The following IKBKB-DT variants were observed in gnomAD, a reference collection of about 807,000 sequenced individuals.
The protein encoded by IKBKB-DT is IKBKB antisense RNA.
chr8:42,264,851 GC>G (rs1451616946), intron 2 of IKBKB-DT, among the ~76,000 whole-genome samples: 3 of 149,236 alleles, frequency 2.0e-5, no homozygotes, highest in African/African-American at 7.4e-5. Context: ...GAGCCACCAT[GC>G]CGGGCCTTAA....
At chr8:42,253,113 C>G (rs550463738) in intron 3 of IKBKB-DT, among the ~76,000 whole-genome samples, 100 of 152,280 alleles carry the variant, frequency 6.6e-4, no homozygotes, top group Non-Finnish European at 1.3e-3. Flanking sequence ...AATTTATCAT[C>G]TATTGTCTCT....
intron 2 of IKBKB-DT, among the ~76,000 whole-genome samples, chr8:42,264,212 A>C (rs1347422923): frequency 6.6e-6 from 1 of 151,522 alleles, no homozygotes; most frequent in East Asian, 1.9e-4. Context: ...ATTTTTAAAA[A>C]TTAATTAGAG....
chr8:42,238,720 A>G (rs2129901641), intron 3 of IKBKB-DT, among the ~76,000 whole-genome samples: 1 of 152,268 alleles, frequency 6.6e-6, no homozygotes, highest in South Asian at 2.1e-4. Flanking sequence ...TCTGGGACCA[A>G]CTGACTCCAC....
At chr8:42,270,100 C>T (rs961989066) in intron 1 of IKBKB-DT, among the ~76,000 whole-genome samples, 2 of 152,190 alleles carry the variant, frequency 1.3e-5, no homozygotes, top group Non-Finnish European at 2.9e-5. Context: ...TTCTGAACTT[C>T]TTAACATGCT....
At position 42,256,740 on chromosome 8, in the gene IKBKB-DT, G is replaced by T. The variant is rs558045390; in HGVS notation, n.1529+6589C>A. ...AACGGTATGATCTTAAAGTCATCAGGAACGTGTACTTGTCCGTTTTCTCCA... is the reference window on the plus strand; with the variant it reads ...AACGGTATGATCTTAAAGTCATCAGTAACGTGTACTTGTCCGTTTTCTCCA... On this transcript the variant is annotated intron_variant and non_coding_transcript_variant, in intron 3 of 3. Coordinates refer to ENST00000518213, the Ensembl canonical transcript of IKBKB-DT. Among the ~76,000 whole-genome samples, 8 of 152,148 alleles carry T rather than the reference G, an allele frequency of 5.3e-5. No individual in the cohort carries two copies. In the East Asian group the frequency reaches 1.4e-3, roughly 26 times the overall value.
At chr8:42,268,725 C>G (rs1231643809) in intron 1 of IKBKB-DT, among the ~76,000 whole-genome samples, 1 of 151,594 alleles carries the variant, frequency 6.6e-6, no homozygotes. Context: ...TGCCACCACG[C>G]CCAGCTAATT....
intron 3 of IKBKB-DT, among the ~76,000 whole-genome samples, chr8:42,237,274 A>T (rs777731947): frequency 6.6e-6 from 1 of 151,696 alleles, no homozygotes; most frequent in Non-Finnish European, 1.5e-5. Flanking sequence ...TTTAGTAGAG[A>T]CTGGGTTTCA....
chr8:42,264,549 A>ATAT (rs1807344503), intron 2 of IKBKB-DT, among the ~76,000 whole-genome samples: 1 of 152,180 alleles, frequency 6.6e-6, no homozygotes, highest in South Asian at 2.1e-4. Context: ...GTAGCTTTTA[A>ATAT]AATATTATTT....
At chr8:42,262,741 T>A (rs1361280638) in intron 3 of IKBKB-DT, among the ~76,000 whole-genome samples, 1 of 150,118 alleles carries the variant, frequency 6.7e-6, no homozygotes, top group East Asian at 2.0e-4. Flanking sequence ...GCCTGGCCTA[T>A]TTTTTTATTT....
At chr8:42,262,784 G>A (rs1236905615) in intron 3 of IKBKB-DT, among the ~76,000 whole-genome samples, 1 of 150,696 alleles carries the variant, frequency 6.6e-6, no homozygotes, top group Non-Finnish European at 1.5e-5. Flanking sequence ...CATTGCCCAG[G>A]CTGGAGTGCA....
chr8:42,266,664 G>A (rs1358702760), intron 1 of IKBKB-DT, among the ~76,000 whole-genome samples: 1 of 152,134 alleles, frequency 6.6e-6, no homozygotes, highest in Non-Finnish European at 1.5e-5. Context: ...CGAGACAGGA[G>A]GTCTGCACAA....
intron 3 of IKBKB-DT, among the ~76,000 whole-genome samples, chr8:42,249,829 C>T (rs1477678431): frequency 6.6e-6 from 1 of 152,006 alleles, no homozygotes; most frequent in Non-Finnish European, 1.5e-5. Flanking sequence ...GTCATCCTGG[C>T]ACTTTGGGAG....
At chr8:42,235,867 C>T (rs1806913256) in intron 3 of IKBKB-DT, among the ~76,000 whole-genome samples, 1 of 152,044 alleles carries the variant, frequency 6.6e-6, no homozygotes, top group Non-Finnish European at 1.5e-5. Flanking sequence ...GGTTAGACCC[C>T]ATCTCCACTA....
chr8:42,239,095 C>T (rs1474992938), intron 3 of IKBKB-DT, among the ~76,000 whole-genome samples: 3 of 152,144 alleles, frequency 2.0e-5, no homozygotes. Flanking sequence ...GCTCCTCCTC[C>T]CCTGTCAGAG....
chr8:42,269,403 A>C (rs1457392704), intron 1 of IKBKB-DT, among the ~76,000 whole-genome samples: 1 of 121,178 alleles, frequency 8.3e-6, no homozygotes, highest in Non-Finnish European at 1.7e-5. Context: ...AAGAAAAAAA[A>C]GAAAGCTAGC....
chr8:42,268,767 A>G (rs1284239901), intron 1 of IKBKB-DT, among the ~76,000 whole-genome samples: 1 of 151,362 alleles, frequency 6.6e-6, no homozygotes. Flanking sequence ...TGGTTTCACC[A>G]TGTTGGCCAG....
intron 3 of IKBKB-DT, among the ~76,000 whole-genome samples, chr8:42,245,235 C>T (rs1464524237): frequency 6.6e-6 from 1 of 152,100 alleles, no homozygotes; most frequent in African/African-American, 2.4e-5. Context: ...AACCTGGCGA[C>T]AGAGCAAGAC....
chr8:42,265,868 G>C (rs1204611990), exon 2 of IKBKB-DT, among the ~76,000 whole-genome samples: 1 of 152,158 alleles, frequency 6.6e-6, no homozygotes, highest in Admixed American at 6.6e-5. Context: ...ACAACAGCCG[G>C]CTGGCCCTGC....
At chr8:42,245,376 T>C (rs568777388) in intron 3 of IKBKB-DT, among the ~76,000 whole-genome samples, 1 of 152,244 alleles carries the variant, frequency 6.6e-6, no homozygotes, top group Non-Finnish European at 1.5e-5. Context: ...TCTGGTGTGA[T>C]GGAAGCAGAA....
Sources: gnomAD v4.1 joint callset for allele counts (sites outside exome capture counted in the v4.1 genomes callset) on GRCh38, gnomAD v4.1.1 for gene constraint, MANE v1.5 for transcripts, NCBI Gene and HGNC (gene_info 2026-07-23, HGNC 2026-07-21) for gene names.